The following RB1 variants were observed in gnomAD, a reference collection of about 807,000 sequenced individuals.
RB1 encodes retinoblastoma-associated protein.
RB1 carries 18 observed loss-of-function variants against 135.4 expected under a neutral mutation model. The observed-to-expected ratio is 0.13, with a 90% CI of 0.09 to 0.20. The LOEUF (loss-of-function observed/expected upper bound fraction) is 0.20, where lower values mean the gene tolerates loss of function less well. Among genes scored for constraint, RB1 ranks in the 10% least tolerant of loss-of-function variants. RB1 has a pLI of 1.00. For synonymous variants in RB1, 365 were observed against 373.2 expected (o/e 0.98, Z 0.25); for missense variants, 868 against 1,110.0 (o/e 0.78, Z 3.10).
chr13:48,401,044 A>G (rs781034636), intron 17 of RB1, among the ~76,000 whole-genome samples: 1 of 152,146 alleles, frequency 6.6e-6, no homozygotes, highest in African/African-American at 2.4e-5. Context: ...TCACTGTTAT[A>G]TTACAGTTGG....
At chr13:48,457,784 C>CTGCA (rs1464250498) in intron 19 of RB1, among the ~76,000 whole-genome samples, 14 of 152,240 alleles carry the variant, frequency 9.2e-5, no homozygotes, top group South Asian at 2.1e-4. Context: ...TCTGGCTGGG[C>CTGCA]TGCAGCAGCA....
chr13:48,475,443 C>A (rs962372183), intron 24 of RB1, among the ~76,000 whole-genome samples: 1 of 152,222 alleles, frequency 6.6e-6, no homozygotes, highest in Non-Finnish European at 1.5e-5. Context: ...TCCTCGATGG[C>A]TATTGGCCCC....
intron 8 of RB1, 78 bp from the exon 9 acceptor site, chr13:48,364,816 C>T: frequency 6.7e-7 from 1 of 1,492,594 alleles, no homozygotes; most frequent in Non-Finnish European, 9.0e-7. Context: ...CTCTAACTTA[C>T]CCTGCATTGT....
At chr13:48,390,660 G>C (rs1948604595) in intron 17 of RB1, among the ~76,000 whole-genome samples, 1 of 152,124 alleles carries the variant, frequency 6.6e-6, no homozygotes, top group African/African-American at 2.4e-5. Flanking sequence ...TAAAGCATTA[G>C]ATTTGTAATG....
intron 17 of RB1, chr13:48,444,863 G>A (rs1447219535): frequency 6.6e-6 from 1 of 152,216 alleles, no homozygotes; most frequent in Non-Finnish European, 1.5e-5. Context: ...AGGAGGGCAA[G>A]AGAAGGTCCG....
intron 17 of RB1, among the ~76,000 whole-genome samples, chr13:48,422,355 CG>C (rs1566219295): frequency 6.6e-6 from 1 of 151,974 alleles, no homozygotes. Context: ...CATCACACAT[CG>C]GGGCCTGTCG....
intron 17 of RB1, among the ~76,000 whole-genome samples, chr13:48,382,027 A>T (rs566362688): frequency 1.3e-5 from 2 of 152,100 alleles, no homozygotes; most frequent in Admixed American, 1.3e-4. Flanking sequence ...ACATGAACTC[A>T]TCCTTTTTTA....
chr13:48,385,294 A>G (rs867437493), intron 17 of RB1, among the ~76,000 whole-genome samples: 2 of 152,168 alleles, frequency 1.3e-5, no homozygotes, highest in Admixed American at 6.6e-5. Flanking sequence ...GGACATATTC[A>G]TCTGGTAATG....
chr13:48,329,391 T>C lies in RB1; in HGVS notation c.265-13208T>C, dbSNP rs142169029. ...TAAGTAATTATTTTCCCTAGTTTTA[T>C]TCAAGATATACAAAGCTGCCAACTA... On this transcript the variant is annotated intron_variant, in intron 2 of 26. Coordinates refer to ENST00000267163, the MANE Select transcript of RB1 (RefSeq NM_000321.3). 7.9e-5 allele frequency among the ~76,000 whole-genome samples: 12 copies of C among 152,350 alleles called. No individual in the cohort carries two copies. The East Asian group carries it at 2.3e-3, about 29-fold the overall frequency.
intron 17 of RB1, among the ~76,000 whole-genome samples, chr13:48,421,003 A>G (rs1241796209): frequency 6.6e-6 from 1 of 152,220 alleles, no homozygotes; most frequent in Non-Finnish European, 1.5e-5. Context: ...TCGAGCTACC[A>G]TTGACTTCCT....
At position 48,380,376 on chromosome 13, in the gene RB1, G is replaced by T; in HGVS notation, c.1498+135G>T. The stretch of plus-strand genomic sequence containing the variant: ...TTATTTTAGATCACTATATACTGAA[G>T]AATGTAATTGGTCATTATAAGCCAT... On this transcript the variant is annotated intron_variant, in intron 16 of 26. Transcript: ENST00000267163. 8 of 659,080 alleles carry T rather than the reference G, an allele frequency of 1.2e-5. No individual in the cohort carries two copies. The South Asian group carries it at 1.5e-4, about 13-fold the overall frequency. 40.8% of individuals were successfully genotyped at this position (659,080 alleles called of 1,614,324 possible).
intron 12 of RB1, among the ~76,000 whole-genome samples, chr13:48,374,070 G>T (rs1472956044): frequency 1.3e-5 from 2 of 151,966 alleles, no homozygotes; most frequent in Non-Finnish European, 2.9e-5. Flanking sequence ...TCTTTTCTTT[G>T]AATGTAGTAT....
Position 48,476,694 on chromosome 13 carries a change from T to A in RB1, c.2521-7T>A, listed in dbSNP as rs371150038. On this transcript the variant is annotated splice_region_variant and splice_polypyrimidine_tract_variant and intron_variant, in intron 24 of 26. Coordinates refer to ENST00000267163, the MANE Select transcript of RB1 (RefSeq NM_000321.3). ...TGATTTAAAGTAAAGAATTCTGTAA[T>A]TTGTAGACTTCTGAGAAGTTCCAGA... The A allele has an allele frequency of 1.1e-5, 17 of 1,610,996 alleles. 1 individual carries two copies. The highest frequency in any genetic ancestry group is 8.9e-5 in the East Asian group (4 of 44,860).
chr13:48,397,278 A>G (rs1948656035), intron 17 of RB1, among the ~76,000 whole-genome samples: 1 of 152,228 alleles, frequency 6.6e-6, no homozygotes. Context: ...GATAAAGAAA[A>G]TGTGGCACAT....
At chr13:48,394,038 C>A (rs1948629899) in intron 17 of RB1, among the ~76,000 whole-genome samples, 1 of 152,150 alleles carries the variant, frequency 6.6e-6, no homozygotes, top group African/African-American at 2.4e-5. Flanking sequence ...TTCTCCATTT[C>A]CAACTGAGGT....
At chr13:48,317,423 T>C in intron 2 of RB1, 1 of 371,968 alleles carries the variant, frequency 2.7e-6, no homozygotes, top group Middle Eastern at 7.8e-4. Context: ...GAGGGCAGGG[T>C]GTGGTCAGCC....
At chr13:48,318,399 G>A in intron 2 of RB1, 1 of 1,499,734 alleles carries the variant, frequency 6.7e-7, no homozygotes. Flanking sequence ...GTCCTTGATG[G>A]CCGTGTCCAG....
In RB1 at chr13:48,320,572, C is replaced by T. The variant is rs536539181; in HGVS notation, c.264+13166C>T. The T allele has an allele frequency of 8.7e-5, 38 of 434,620 alleles. 1 individual carries two copies. The highest frequency in any genetic ancestry group is 8.5e-4 in the South Asian group (37 of 43,606). The allele number at this position is 434,620 out of a possible 1,614,324, so 26.9% of individuals were successfully genotyped here. ...TGGCAGCGGGGTGCAGTGGCTCAAG[C>T]CCGTAATCACAGCACTTTGAGAGGC... is the stretch of plus-strand genomic sequence containing the variant. On this transcript the variant is annotated intron_variant, in intron 2 of 26. Transcript: ENST00000267163.
chr13:48,461,981 TG>T (rs1251745908), intron 20 of RB1, among the ~76,000 whole-genome samples: 3 of 151,866 alleles, frequency 2.0e-5, no homozygotes. Context: ...TACAGGTGTG[TG>T]CCACCACACC....
Sources: allele counts gnomAD v4.1 joint callset (sites outside exome capture counted in the v4.1 genomes callset), GRCh38; gene constraint gnomAD v4.1.1; transcripts MANE v1.5; gene names NCBI Gene and HGNC (gene_info 2026-07-23, HGNC 2026-07-21).